The following MYH8 variants were observed in gnomAD, a reference collection of about 807,000 sequenced individuals.
The protein encoded by MYH8 is myosin heavy chain 8.
A neutral mutation model predicts 233.2 loss-of-function variants in MYH8; 168 were observed. The ratio of observed to expected loss-of-function variants is 0.72; its 90% confidence interval spans 0.64 to 0.82. The LOEUF is 0.82. Ranked by LOEUF, MYH8 falls within the 40% of genes least tolerant of loss-of-function variation. MYH8 has a pLI of 0.00. For synonymous variants in MYH8, 785 were observed against 850.6 expected (o/e 0.92, Z 1.34); for missense variants, 1,995 against 2,327.8 (o/e 0.86, Z 2.94).
rs1166346609 is a variant in MYH8 at position 10,420,303 on chromosome 17, C to A, written c.-30-46G>T. The A allele has an allele frequency of 2.6e-6, 4 of 1,513,876 alleles. No individual in the cohort carries two copies. In the African/African-American group the frequency reaches 4.1e-5, roughly 16 times the overall value. The allele number at this position is 1,513,876 out of a possible 1,614,324, so 93.8% of individuals were successfully genotyped here. On this transcript the variant is annotated intron_variant, in intron 2 of 39. Transcript: ENST00000403437. Reference sequence around the variant, plus strand: ...AGAGAGAGATATAAAAAGCAGAAGTCACAAATGTGAGTTAGGATTTGAAAT... The same window carrying A: ...AGAGAGAGATATAAAAAGCAGAAGTAACAAATGTGAGTTAGGATTTGAAAT...
At position 10,419,901 on chromosome 17, in the gene MYH8, A is replaced by G; in HGVS notation, c.210+117T>C. The G allele has an allele frequency of 8.7e-7, 1 of 1,146,152 alleles. No homozygotes were observed. Among genetic ancestry groups the G allele is most frequent in the Non-Finnish European group, 1.3e-6 (1 of 761,416 alleles). The allele number at this position is 1,146,152 out of a possible 1,614,324, so 71.0% of individuals were successfully genotyped here. ...TTTGCCTTCCACATCTAATGTCTCAACACTGACTAGAAGGGTGTTTGCATT... is the reference window on the plus strand; with the variant it reads ...TTTGCCTTCCACATCTAATGTCTCAGCACTGACTAGAAGGGTGTTTGCATT... On this transcript the variant is annotated intron_variant, in intron 3 of 39. Coordinates refer to ENST00000403437, the MANE Select transcript of MYH8 (RefSeq NM_002472.3). This position sits in a 1 kb window ranked among gnomAD's most constrained non-coding sequence, Gnocchi z 4.0.
intron 1 of MYH8, 84 bp downstream of exon 1, chr17:10,421,846 G>T (rs1469708451): frequency 3.3e-5 from 5 of 152,144 alleles, no homozygotes; most frequent in Non-Finnish European, 5.9e-5. Flanking sequence ...GATTGAGAGA[G>T]CAGTTTAATG....
chr17:10,415,638 T>A lies in MYH8; in HGVS notation c.539+43A>T. On this transcript the variant is annotated intron_variant, in intron 6 of 39. Transcript: ENST00000403437. The surrounding 1 kb of genome is among the most constrained non-coding windows in gnomAD (Gnocchi z 4.1). ...AACTATGGCCTGCATTGTCAACATC[T>A]AAGACAATCCTTGCAAATCAGAGAA... 3 of 1,612,946 alleles carry A rather than the reference T, an allele frequency of 1.9e-6. No individual in the cohort carries two copies. The South Asian group carries it at 3.3e-5, about 18-fold the overall frequency.
In MYH8 at chr17:10,392,842, G is replaced by A; in HGVS notation, c.5452C>T (p.Leu1818=). 6.2e-7 allele frequency: 1 copy of A among 1,614,136 alleles called. No homozygotes were observed. Among genetic ancestry groups the A allele is most frequent in the Non-Finnish European group, 8.5e-7 (1 of 1,180,022 alleles). The change falls in exon 37 of 40, where the codon CTG becomes TTG. Residue 1818 remains leucine, a synonymous_variant. Coordinates refer to ENST00000403437, the MANE Select transcript of MYH8 (RefSeq NM_002472.3). ...ATTGAGACACCCACCCTGGCCTCCA[G>A]TTTCTGGATCTGCTTCTTCCCACCC... ...LKGGKKQIQK[L]EARVRELEGE...
chr17:10,421,218 A>G (rs2072337116), intron 2 of MYH8, among the ~76,000 whole-genome samples: 1 of 152,264 alleles, frequency 6.6e-6, no homozygotes, highest in Non-Finnish European at 1.5e-5. Context: ...CCTGTTAAGT[A>G]AATAATAATA....
At chr17:10,397,051 G>T in intron 30 of MYH8, 65 bp from the exon 31 acceptor site, 2 of 1,544,452 alleles carry the variant, frequency 1.3e-6, no homozygotes, top group African/African-American at 1.4e-5. Flanking sequence ...AACCTCCTTG[G>T]TCCCTTTTCA....
rs2142166007 is a variant in MYH8, at chr17:10,391,888, C to T, written c.5658G>A (p.Glu1886=). The stretch of plus-strand genomic sequence containing the variant: ...AGGGCTTAAAGATACTTACAGCCTC[C>T]TCAGCTTGTCTCTTGTATGATTTCA... ...AKVKSYKRQA[E]EAEEQSNANL... is the part of the protein sequence containing the mutation. Residue 1886 remains glutamate (E), a synonymous_variant, in exon 39 of 40, where the codon GAG becomes GAA. Coordinates refer to ENST00000403437, the MANE Select transcript of MYH8 (RefSeq NM_002472.3). 5.0e-6 allele frequency: 8 copies of T among 1,613,608 alleles called. No homozygotes were observed. Among genetic ancestry groups the T allele is most frequent in the South Asian group, 2.2e-5 (2 of 91,060 alleles).
At position 10,419,692 on chromosome 17, in the gene MYH8, A is replaced by G. The variant is rs533353682; in HGVS notation, c.210+326T>C. Reference sequence around the variant, plus strand: ...TTTTGGAAGTAATGGGGATATTAATACATTATTTAACTAAGTAAATATTTA... The same window carrying G: ...TTTTGGAAGTAATGGGGATATTAATGCATTATTTAACTAAGTAAATATTTA... On this transcript the variant is annotated intron_variant, in intron 3 of 39. Coordinates refer to ENST00000403437, the MANE Select transcript of MYH8 (RefSeq NM_002472.3). This position sits in a 1 kb window ranked among gnomAD's most constrained non-coding sequence, Gnocchi z 4.0. Among the ~76,000 whole-genome samples the G allele has an allele frequency of 6.6e-6, 1 of 152,278 alleles. No homozygotes were observed. The highest frequency in any genetic ancestry group is 2.4e-5 in the African/African-American group (1 of 41,566).
rs756832002 is a variant in MYH8 at position 10,401,561 on chromosome 17, T to A, written c.2913A>T (p.Lys971Asn). 2 of 1,614,056 alleles carry A rather than the reference T, an allele frequency of 1.2e-6. No homozygotes were observed. The highest frequency in any genetic ancestry group is 2.7e-5 in the African/African-American group (2 of 74,930). Residue 971 changes from lysine (K) to asparagine (N), a missense_variant, in exon 23 of 40, where the codon AAA becomes AAT. Physicochemically the swap from Lys to Asn is moderately conservative, Grantham distance 94. Around this residue, in one of 3 missense-constraint regions of MYH8, gnomAD observed 1,498 missense variants for 1,680.9 expected, o/e 0.89. Transcript: ENST00000403437. ...ELTLAKVEKE[K>N]HATENKVKNL... ...CTGATACCTTGTTCTCCGTGGCATG[T>A]TTCTCCTTCTCAACCTTGGCCAGTG...
intron 17 of MYH8, among the ~76,000 whole-genome samples, chr17:10,407,548 A>G (rs1321524597): frequency 3.3e-5 from 5 of 152,070 alleles, no homozygotes; most frequent in African/African-American, 7.2e-5. Context: ...AGAGTCTAAA[A>G]TTGTGAAACT....
At chr17:10,392,049 C>A in intron 38 of MYH8, 72 bp from the exon 39 acceptor site, 1 of 1,322,334 alleles carries the variant, frequency 7.6e-7, no homozygotes, top group South Asian at 1.2e-5. Context: ...AAAATAAAAT[C>A]ATTTGGCATG....
In MYH8 at chr17:10,400,657, G is replaced by A. The variant is rs1308206260; in HGVS notation, c.3468C>T (p.Ala1156=). The change falls in exon 27 of 40, where the codon GCC becomes GCT. Residue 1156 remains alanine (A), a synonymous_variant. Coordinates refer to ENST00000403437, the MANE Select transcript of MYH8 (RefSeq NM_002472.3). This position sits in a 1 kb window ranked among gnomAD's most constrained non-coding sequence, Gnocchi z 4.0. ...CCACCTGAGCAGAAGTTGCCCCACC[G>A]GCTTCTTCCAGCCTCTCGCTGATCT... ...LEEISERLEE[A]GGATSAQVEL... 6.2e-7 allele frequency: 1 copy of A among 1,613,990 alleles called. No homozygotes were observed. Among genetic ancestry groups the A allele is most frequent in the East Asian group, 2.2e-5 (1 of 44,886 alleles).
In MYH8 at chr17:10,415,499, C is replaced by G; in HGVS notation, c.621G>C (p.Lys207Asn). The G allele has an allele frequency of 1.2e-6, 2 of 1,614,218 alleles. No homozygotes were observed. Among genetic ancestry groups the G allele is most frequent in the East Asian group, 4.5e-5 (2 of 44,884 alleles). ...GCATTTTGCCAGATTCATCCTTCTT[C>G]TTCTCTCCAGTAACTGCAATTGTTG... is the stretch of plus-strand genomic sequence containing the variant. ...YFATIAVTGEKKKDESGKMQG... is the reference protein window; with the variant it reads ...YFATIAVTGENKKDESGKMQG... Residue 207 changes from lysine to asparagine, a missense_variant, in exon 7 of 40, where the codon AAG (lysine) becomes AAC (asparagine). Transcript: ENST00000403437. The surrounding 1 kb of genome is among the most constrained non-coding windows in gnomAD (Gnocchi z 4.1).
rs1740695266 is a variant in MYH8 at position 10,416,019 on chromosome 17, AG to A, written c.512-312del. 2.0e-5 allele frequency among the ~76,000 whole-genome samples: 3 copies of A among 152,330 alleles called. No individual in the cohort carries two copies. The South Asian group carries it at 6.2e-4, about 32-fold the overall frequency. On this transcript the variant is annotated intron_variant, in intron 5 of 39. Transcript: ENST00000403437. ...TCACTGGCAGTAAGTACATTCATAA[AG>A]TTGTAAAATCATCATCACCCTTCAT...
Position 10,411,078 on chromosome 17 carries a change from C to T in MYH8, c.1417-131G>A, listed in dbSNP as rs12601678. 582,564 of 1,496,194 alleles carry T rather than the reference C, an allele frequency of 0.39. 123,053 individuals carry two copies. The highest frequency in any genetic ancestry group is 0.85 in the East Asian group (34,665 of 40,866). 92.7% of individuals were successfully genotyped at this position (1,496,194 alleles called of 1,614,324 possible). A position where few individuals can be genotyped will look rare whatever the true frequency, so the allele number is the denominator to read the frequency against. Reference sequence around the variant, plus strand: ...ATACAGTTAAAACTAACGTTGCTCCCTCAAAAAATGATCATTGGCCGGGCA... The same window carrying T: ...ATACAGTTAAAACTAACGTTGCTCCTTCAAAAAATGATCATTGGCCGGGCA... On this transcript the variant is annotated intron_variant, in intron 14 of 39. Coordinates refer to ENST00000403437, the MANE Select transcript of MYH8 (RefSeq NM_002472.3).
intron 22 of MYH8, among the ~76,000 whole-genome samples, chr17:10,402,042 A>T (rs1227217884): frequency 6.6e-6 from 1 of 152,198 alleles, no homozygotes; most frequent in African/African-American, 2.4e-5. Context: ...AATTTGTAGA[A>T]GAGTGGAAAG....
rs970467067 is a variant in MYH8, at chr17:10,421,713, A to G, written c.-74-7T>C. ...GGTTCAGAAGTGTTCCACTCTGTAA[A>G]ACAACAAGCTTCTTATTAGTGATGC... On this transcript the variant is annotated splice_region_variant and splice_polypyrimidine_tract_variant and intron_variant, in intron 1 of 39. Transcript: ENST00000403437. 10 of 152,216 alleles carry G rather than the reference A, an allele frequency of 6.6e-5. No individual in the cohort carries two copies. The highest frequency in any genetic ancestry group is 2.4e-4 in the African/African-American group (10 of 41,456). 9.4% of individuals were successfully genotyped at this position (152,216 alleles called of 1,614,324 possible). A position where few individuals can be genotyped will look rare whatever the true frequency, so the allele number is the denominator to read the frequency against.
rs145799039 is a variant in MYH8 at position 10,410,909 on chromosome 17, G to A, written c.1455C>T (p.Asn485=). ...GGTTGAAAAACTGTTGCAGTTTCTCGTTGGTGAAGTTGATGCACAGCTGCT... is the reference window on the plus strand; with the variant it reads ...GGTTGAAAAACTGTTGCAGTTTCTCATTGGTGAAGTTGATGCACAGCTGCT... ...SLEQLCINFT[N]EKLQQFFNHH... Residue 485 remains asparagine, a synonymous_variant, in exon 15 of 40, where the codon AAC becomes AAT. Transcript: ENST00000403437. 8.9e-5 allele frequency: 144 copies of A among 1,613,918 alleles called. No individual in the cohort carries two copies. The highest frequency in any genetic ancestry group is 1.1e-4 in the Non-Finnish European group (131 of 1,179,986).
At chr17:10,399,757 AAT>A (rs2072118297) in intron 27 of MYH8, 88 bp from the exon 28 acceptor site, 2 of 1,559,590 alleles carry the variant, frequency 1.3e-6, no homozygotes, top group Non-Finnish European at 1.7e-6. Context: ...AGAGTAAATA[AAT>A]TCATGTCAAG....
Sources: gnomAD v4.1 joint callset for allele counts (sites outside exome capture counted in the v4.1 genomes callset) on GRCh38, gnomAD v4.1.1 for gene constraint, gnomAD v4.1.1 regional missense constraint, Gnocchi (gnomAD v3.1) non-coding constraint, MANE v1.5 for transcripts, NCBI Gene and HGNC (gene_info 2026-07-23, HGNC 2026-07-21) for gene names.